COL4A4: variants seen among roughly 807,000 people sequenced by gnomAD.
COL4A4 encodes collagen alpha-4(IV) chain.
In COL4A4, 105 loss-of-function variants were observed where a neutral mutation model predicts 192.9. The ratio of observed to expected loss-of-function variants is 0.54; its 90% CI spans 0.46 to 0.64. The LOEUF is 0.64. COL4A4 is among the 30% of genes least tolerant of loss of function. The pLI is 0.00. For synonymous variants in COL4A4, 762 were observed against 769.9 expected (o/e 0.99, Z 0.17); for missense variants, 1,967 against 2,169.3 (o/e 0.91, Z 1.85).
chr2:227,097,189 C>T (rs2060248552), intron 19 of COL4A4, among the ~76,000 whole-genome samples: 1 of 152,118 alleles, frequency 6.6e-6, no homozygotes, highest in Non-Finnish European at 1.5e-5. Context: ...CACCTGCCAA[C>T]AGGGAGAATG....
intron 37 of COL4A4, among the ~76,000 whole-genome samples, chr2:227,038,250 G>A (rs1421500900): frequency 6.6e-6 from 1 of 152,200 alleles, no homozygotes; most frequent in Non-Finnish European, 1.5e-5. Context: ...TGTATAAGGT[G>A]TAAGGAAGGG....
intron 25 of COL4A4, among the ~76,000 whole-genome samples, chr2:227,073,769 A>G (rs1346292516): frequency 3.3e-5 from 5 of 152,120 alleles, no homozygotes; most frequent in African/African-American, 4.8e-5. Context: ...GATCTTTAAC[A>G]AAGCATACAA....
intron 4 of COL4A4, among the ~76,000 whole-genome samples, chr2:227,137,305 G>C (rs556846382): frequency 1.3e-5 from 2 of 152,206 alleles, no homozygotes; most frequent in Non-Finnish European, 2.9e-5. Flanking sequence ...TCAGAGTCAA[G>C]TGGCAACCCA....
At chr2:227,026,283 G>A (rs1462161497) in intron 42 of COL4A4, among the ~76,000 whole-genome samples, 1 of 152,078 alleles carries the variant, frequency 6.6e-6, no homozygotes, top group African/African-American at 2.4e-5. Context: ...GGATCACGAG[G>A]TCAGGAGATC....
intron 42 of COL4A4, among the ~76,000 whole-genome samples, chr2:227,027,264 T>A (rs1338985977): frequency 6.5e-5 from 9 of 137,464 alleles, no homozygotes; most frequent in African/African-American, 8.2e-5. Flanking sequence ...AAAAAAAAAA[T>A]AGAAAAAAAA....
intron 7 of COL4A4, 136 bp downstream of exon 7, chr2:227,118,509 C>A: frequency 6.9e-6 from 5 of 722,156 alleles, no homozygotes; most frequent in Non-Finnish European, 9.8e-6. Context: ...CTGTCCTTAT[C>A]CCCCAGCCAC....
At chr2:227,059,664 C>T in intron 27 of COL4A4, 41 bp from the exon 28 acceptor site, 1 of 1,433,816 alleles carries the variant, frequency 7.0e-7, no homozygotes, top group East Asian at 2.3e-5. Flanking sequence ...ATAACATGTG[C>T]AAGTATAGAA....
intron 25 of COL4A4, among the ~76,000 whole-genome samples, chr2:227,073,540 AC>A (rs1398407153): frequency 6.6e-6 from 1 of 152,120 alleles, no homozygotes; most frequent in African/African-American, 2.4e-5. Flanking sequence ...ATTAGAAAAA[AC>A]AATCCTGAAT....
intron 37 of COL4A4, among the ~76,000 whole-genome samples, chr2:227,040,429 T>A (rs1467201493): frequency 6.6e-6 from 1 of 152,206 alleles, no homozygotes; most frequent in East Asian, 1.9e-4. Flanking sequence ...ATTGACTGGG[T>A]CTCAAGGGTA....
chr2:227,137,223 C>T (rs566908165), intron 4 of COL4A4, among the ~76,000 whole-genome samples: 18 of 152,280 alleles, frequency 1.2e-4, no homozygotes, highest in South Asian at 4.1e-4. Flanking sequence ...CAATGCCTTG[C>T]GCTTGTTTAA....
the COL4A4 span, among the ~76,000 whole-genome samples, chr2:226,995,224 G>A: frequency 3.3e-5 from 5 of 152,182 alleles, no homozygotes; most frequent in Non-Finnish European, 7.3e-5. Flanking sequence ...AGTCAAATCA[G>A]ATTCATGGCT....
At chr2:227,055,297 G>A (rs541682908) in intron 30 of COL4A4, among the ~76,000 whole-genome samples, 2 of 151,602 alleles carry the variant, frequency 1.3e-5, no homozygotes, top group South Asian at 2.1e-4. Context: ...GAGGATCTTT[G>A]AGGCCAGGAT....
the COL4A4 span, chr2:226,988,211 C>T: frequency 1.2e-6 from 1 of 843,964 alleles, no homozygotes; most frequent in Non-Finnish European, 1.8e-6. Context: ...TACCCAAAGA[C>T]AGTCTCAAGA....
At chr2:227,070,402 T>A (rs372322755) in intron 25 of COL4A4, among the ~76,000 whole-genome samples, 7 of 152,024 alleles carry the variant, frequency 4.6e-5, no homozygotes, top group Non-Finnish European at 7.4e-5. Context: ...TCATGCTGCT[T>A]TAAAGACACA....
chr2:227,136,314 G>A (rs1435819183), intron 4 of COL4A4, among the ~76,000 whole-genome samples: 6 of 152,200 alleles, frequency 3.9e-5, no homozygotes, highest in Admixed American at 1.3e-4. Context: ...GAAAGGCCTT[G>A]TGGTTTGGCA....
the COL4A4 span, among the ~76,000 whole-genome samples, chr2:226,978,454 C>T: frequency 1.3e-5 from 2 of 152,166 alleles, no homozygotes; most frequent in Non-Finnish European, 2.9e-5. Flanking sequence ...GACCCCTGGA[C>T]ATATGGACCA....
In COL4A4 at chr2:227,140,224, G is replaced by C; in HGVS notation, c.129C>G (p.Tyr43Ter). 4 of 1,614,014 alleles carry C rather than the reference G, an allele frequency of 2.5e-6. No individual in the cohort carries two copies. The highest frequency in any genetic ancestry group is 3.4e-6 in the Non-Finnish European group (4 of 1,179,934). ...AATCTCTTCCTCCACAAGGACCAAT[G>C]TATTTCTTTCCACTCTGGAAAGTGA... ...VQYVYGSGKK[Y>*]IGPCGGRDCS... Residue 43 changes from tyrosine to a stop codon, truncating the protein, a stop_gained, in exon 4 of 48, where the codon TAC (tyrosine) becomes TAG (stop). Coordinates refer to ENST00000396625, the MANE Select transcript of COL4A4 (RefSeq NM_000092.5). LOFTEE classifies it high-confidence loss of function.
At position 227,004,988 on chromosome 2, in the gene COL4A4, G is replaced by A. The variant is rs575253962; in HGVS notation, c.*2337C>T. 2.6e-4 allele frequency: 39 copies of A among 152,310 alleles called. No homozygotes were observed. The highest frequency in any genetic ancestry group is 3.4e-3 in the Middle Eastern group (1 of 294). The allele number at this position is 152,310 out of a possible 1,614,324, so 9.4% of individuals were successfully genotyped here. On this transcript the variant is annotated 3_prime_UTR_variant, in exon 48 of 48. Transcript: ENST00000396625. ...AAGGCACATTGATATATAACCAGGT[G>A]AAGAAAATAATGGTTTAAGGTAACA...
intron 44 of COL4A4, among the ~76,000 whole-genome samples, chr2:227,019,459 A>G (rs1370697557): frequency 1.3e-5 from 2 of 152,214 alleles, no homozygotes; most frequent in Non-Finnish European, 2.9e-5. Context: ...GCTAACTCCT[A>G]GATGCCTGGT....
Sources: gnomAD v4.1 joint callset for allele counts (sites outside exome capture counted in the v4.1 genomes callset) on GRCh38, gnomAD v4.1.1 for gene constraint, MANE v1.5 for transcripts, NCBI Gene and HGNC (gene_info 2026-07-23, HGNC 2026-07-21) for gene names.